Variants in PTPRN2 observed in about 807,000 individuals in gnomAD.
PTPRN2 encodes the protein protein tyrosine phosphatase receptor type N2, also known as receptor-type tyrosine-protein phosphatase N2.
In PTPRN2, 74 loss-of-function variants were observed where a neutral mutation model predicts 118.8. That is an observed-to-expected ratio of 0.62 (90% CI 0.52 to 0.76). The LOEUF is 0.76. Ranked by LOEUF, PTPRN2 falls within the 30% of genes least tolerant of loss-of-function variation. PTPRN2 has a pLI of 0.00. For missense variants in PTPRN2, 1,481 were observed against 1,394.4 expected (o/e 1.06, Z -0.99); for synonymous variants, 641 against 608.0 (o/e 1.05, Z -0.80).
chr7:157,938,546 GC>G (rs1799857870), intron 11 of PTPRN2, among the ~76,000 whole-genome samples: 1 of 152,204 alleles, frequency 6.6e-6, no homozygotes, highest in Non-Finnish European at 1.5e-5. Flanking sequence ...CTGCCTGTCT[GC>G]TCAGGGTCAC....
intron 11 of PTPRN2, among the ~76,000 whole-genome samples, chr7:157,910,796 C>T (rs1798063569): frequency 1.3e-5 from 2 of 152,232 alleles, no homozygotes; most frequent in African/African-American, 2.4e-5. Flanking sequence ...TGATCCACTG[C>T]GCGGCAACAA....
intron 10 of PTPRN2, among the ~76,000 whole-genome samples, chr7:158,090,910 T>C (rs1489057121): frequency 6.6e-6 from 1 of 152,232 alleles, no homozygotes; most frequent in South Asian, 2.1e-4. Flanking sequence ...TTCTGAATAT[T>C]AGTTTTCAGG....
chr7:158,493,715 A>G (rs545765401), intron 1 of PTPRN2, among the ~76,000 whole-genome samples: 4 of 50,964 alleles, frequency 7.8e-5, no homozygotes, highest in Admixed American at 3.7e-4. Context: ...GTGAGCATAC[A>G]CCTGCAGACA....
At chr7:157,599,729 C>T (rs1192959198) in intron 16 of PTPRN2, among the ~76,000 whole-genome samples, 2 of 152,338 alleles carry the variant, frequency 1.3e-5, no homozygotes, top group East Asian at 1.9e-4. Flanking sequence ...GTGACCTTAA[C>T]ATCTTAAGAG....
intron 2 of PTPRN2, among the ~76,000 whole-genome samples, chr7:158,378,731 T>A (rs1810737270): frequency 6.6e-6 from 1 of 151,750 alleles, no homozygotes; most frequent in Non-Finnish European, 1.5e-5. Context: ...TGCTTTCTGG[T>A]TATAGGCTCA....
At position 158,337,597 on chromosome 7, in the gene PTPRN2, AC is replaced by A. The variant is rs1805917241; in HGVS notation, c.164-20666del. 3.0e-5 allele frequency among the ~76,000 whole-genome samples: 3 copies of A among 99,762 alleles called. No individual in the cohort carries two copies. The Admixed American group carries it at 3.2e-4, about 11-fold the overall frequency. The allele number at this position is 99,762 out of a possible 152,430, so 65.4% of individuals were successfully genotyped here. ...GGTGACACCTGCAGACGTCACTCAC[AC>A]CCACACTCTCACCATAAGAGGAGAC... On this transcript the variant is annotated intron_variant, in intron 2 of 22. Transcript: ENST00000389418.
intron 13 of PTPRN2, among the ~76,000 whole-genome samples, chr7:157,657,864 TACACACACACCAC>T (rs769272541): frequency 0.038 from 2,808 of 73,964 alleles, 94 homozygotes; most frequent in South Asian, 0.12. Flanking sequence ...ATCACACATA[TACACACACACCAC>T]ACACACACAC....
At chr7:158,471,709 C>CAA (rs142862963) in intron 2 of PTPRN2, among the ~76,000 whole-genome samples, 1 of 147,260 alleles carries the variant, frequency 6.8e-6, no homozygotes, top group African/African-American at 2.5e-5. Context: ...AACAAACAAA[C>CAA]AAAAAAAAAA....
chr7:158,452,765 A>C (rs550273412), intron 2 of PTPRN2, among the ~76,000 whole-genome samples: 1 of 152,350 alleles, frequency 6.6e-6, no homozygotes, highest in South Asian at 2.1e-4. Context: ...GCAAGAAGAG[A>C]AAGTCCCAAC....
At chr7:158,458,446 CA>C (rs1189220270) in intron 2 of PTPRN2, among the ~76,000 whole-genome samples, 2 of 152,180 alleles carry the variant, frequency 1.3e-5, no homozygotes, top group Admixed American at 6.5e-5. Context: ...TCTGATTTGT[CA>C]AGAGGTGTGG....
intron 14 of PTPRN2, among the ~76,000 whole-genome samples, chr7:157,650,240 GC>G (rs1805557216): frequency 6.6e-6 from 1 of 152,168 alleles, no homozygotes; most frequent in South Asian, 2.1e-4. Context: ...TCCCAAACCT[GC>G]CCGCCGGAGA....
At chr7:157,683,905 A>G in intron 12 of PTPRN2, among the ~76,000 whole-genome samples, 1 of 152,186 alleles carries the variant, frequency 6.6e-6, no homozygotes, top group East Asian at 1.9e-4. Flanking sequence ...TGGCTGCTAC[A>G]AGATGAGAAC....
chr7:158,021,480 G>A (rs180846547), intron 11 of PTPRN2, among the ~76,000 whole-genome samples: 3 of 152,096 alleles, frequency 2.0e-5, no homozygotes, highest in Non-Finnish European at 4.4e-5. Context: ...CCACGCACAC[G>A]CACACACACA....
chr7:158,017,089 A>G (rs7778330), intron 11 of PTPRN2, among the ~76,000 whole-genome samples: 94,841 of 152,182 alleles, frequency 0.62, 29,880 homozygotes, highest in East Asian at 0.76. Context: ...CAGATTAATA[A>G]CGTTAACAAA....
chr7:158,127,271 TC>T (rs1563472288), intron 9 of PTPRN2, among the ~76,000 whole-genome samples: 1 of 151,404 alleles, frequency 6.6e-6, no homozygotes, highest in Non-Finnish European at 1.5e-5. Flanking sequence ...AGGCTGCTCA[TC>T]CGTGCACCTG....
intron 11 of PTPRN2, among the ~76,000 whole-genome samples, chr7:158,031,798 A>T (rs1807703512): frequency 6.6e-6 from 1 of 152,232 alleles, no homozygotes; most frequent in Non-Finnish European, 1.5e-5. Flanking sequence ...AATTTAAATC[A>T]TCGAGTAAAA....
At chr7:158,273,910 G>A (rs113375346) in intron 3 of PTPRN2, among the ~76,000 whole-genome samples, 7,901 of 124,292 alleles carry the variant, frequency 0.064, 537 homozygotes, top group Middle Eastern at 0.1. Context: ...AGACAGACGC[G>A]GGAGGAGCCG....
At chr7:158,383,727 G>T (rs1453094) in intron 2 of PTPRN2, among the ~76,000 whole-genome samples, 122,451 of 152,122 alleles carry the variant, frequency 0.8, 51,179 homozygotes, top group East Asian at 0.93. Flanking sequence ...AGAGTCTCAG[G>T]GTGAGAGTTT....
intron 1 of PTPRN2, among the ~76,000 whole-genome samples, chr7:158,579,719 T>C (rs1052411566): frequency 2.6e-5 from 4 of 152,264 alleles, no homozygotes; most frequent in African/African-American, 9.6e-5. Context: ...CAGCAGTTTC[T>C]GACTCTGCTA....
Sources: gnomAD v4.1 joint callset for allele counts (sites outside exome capture counted in the v4.1 genomes callset) on GRCh38, gnomAD v4.1.1 for gene constraint, MANE v1.5 for transcripts, NCBI Gene and HGNC (gene_info 2026-07-23, HGNC 2026-07-21) for gene names.